RCSD1: variants seen among roughly 807,000 people sequenced by gnomAD.
RCSD1 encodes the protein capZ-interacting protein.
In RCSD1, 26 loss-of-function variants were observed where a neutral mutation model predicts 42.5. That is an observed-to-expected ratio of 0.61 (90% confidence interval 0.45 to 0.85). The LOEUF is 0.85. RCSD1 is among the 40% of genes least tolerant of loss of function. RCSD1 has a pLI of 0.00. For synonymous variants in RCSD1, 220 were observed against 212.2 expected (o/e 1.04, Z -0.32); for missense variants, 571 against 528.3 (o/e 1.08, Z -0.79).
At position 167,705,066 on chromosome 1, in the gene RCSD1, T is replaced by C. The variant is rs4656551; in HGVS notation, c.*370T>C. 0.26 allele frequency: 44,827 copies of C among 175,108 alleles called. 6,162 individuals are homozygous for C. Among genetic ancestry groups the C allele is most frequent in the Middle Eastern group, 0.34 (132 of 388 alleles). 10.8% of individuals were successfully genotyped at this position (175,108 alleles called of 1,614,324 possible). Reference sequence around the variant, plus strand: ...CTATCCCTGCAGCTAATTTAGCTGATCTCTAATTTAACTGAGCTCTAATTT... The same window carrying C: ...CTATCCCTGCAGCTAATTTAGCTGACCTCTAATTTAACTGAGCTCTAATTT... On this transcript the variant is annotated 3_prime_UTR_variant, in exon 7 of 7. Coordinates refer to ENST00000367854, the MANE Select transcript of RCSD1 (RefSeq NM_052862.4).
At chr1:167,695,845 A>C (rs1451056223) in intron 5 of RCSD1, among the ~76,000 whole-genome samples, 8 of 152,100 alleles carry the variant, frequency 5.3e-5, no homozygotes, top group Non-Finnish European at 8.8e-5. Flanking sequence ...TTTTTAAAGG[A>C]TGCATCACTC....
intron 5 of RCSD1, among the ~76,000 whole-genome samples, chr1:167,696,089 G>A (rs559541715): frequency 1.3e-5 from 2 of 152,118 alleles, no homozygotes; most frequent in African/African-American, 4.8e-5. Flanking sequence ...GGGCAGGAAG[G>A]ACAGAGTTAG....
Position 167,697,190 on chromosome 1 carries a change from C to G in RCSD1, c.566C>G (p.Ala189Gly). The G allele has an allele frequency of 6.2e-7, 1 of 1,614,096 alleles. No homozygotes were observed. The change falls in exon 6 of 7, where the codon GCG (alanine) becomes GGG (glycine). Residue 189 changes from alanine to glycine, a missense_variant. Physicochemically the swap from Ala to Gly is moderately conservative, Grantham distance 60. Coordinates refer to ENST00000367854, the MANE Select transcript of RCSD1 (RefSeq NM_052862.4). ...TGTGGAGAACTTGGAGATTTCAGGGCGGTGGAGTCATCTCAGCAGAACGGT... is the reference window on the plus strand; with the variant it reads ...TGTGGAGAACTTGGAGATTTCAGGGGGGTGGAGTCATCTCAGCAGAACGGT... ...SDCGELGDFR[A>G]VESSQQNGAK...
intron 1 of RCSD1, among the ~76,000 whole-genome samples, chr1:167,648,415 T>G (rs981703274): frequency 6.6e-6 from 1 of 152,182 alleles, no homozygotes; most frequent in Non-Finnish European, 1.5e-5. Context: ...CTTCCTTCCT[T>G]TTGCAAAGAC....
intron 6 of RCSD1, among the ~76,000 whole-genome samples, chr1:167,701,871 A>G (rs943025659): frequency 2.0e-5 from 3 of 152,188 alleles, no homozygotes; most frequent in Admixed American, 2.0e-4. Flanking sequence ...AAGAACAATT[A>G]CAAGGTTGAC....
At chr1:167,658,310 A>G (rs1293315467) in intron 1 of RCSD1, among the ~76,000 whole-genome samples, 1 of 152,242 alleles carries the variant, frequency 6.6e-6, no homozygotes, top group Non-Finnish European at 1.5e-5. Context: ...TACACACACA[A>G]GGGGTAAGTT....
chr1:167,685,952 A>G (rs1659225788), intron 3 of RCSD1, among the ~76,000 whole-genome samples: 1 of 152,202 alleles, frequency 6.6e-6, no homozygotes. Flanking sequence ...GTGATTCTGC[A>G]GTATCCTTGT....
At position 167,704,770 on chromosome 1, in the gene RCSD1, A is replaced by G; in HGVS notation, c.*74A>G. ...TGCAGGTAGCAGCAACAGTTGTAGC[A>G]GCAGCAGACGAAGCCATTGCAGAGG... On this transcript the variant is annotated 3_prime_UTR_variant, in exon 7 of 7. Coordinates refer to ENST00000367854, the MANE Select transcript of RCSD1 (RefSeq NM_052862.4). 6.8e-7 allele frequency: 1 copy of G among 1,461,740 alleles called. No individual in the cohort carries two copies. Among genetic ancestry groups the G allele is most frequent in the Non-Finnish European group, 9.6e-7 (1 of 1,046,512 alleles). 90.5% of individuals were successfully genotyped at this position (1,461,740 alleles called of 1,614,324 possible). A position where few individuals can be genotyped will look rare whatever the true frequency, so the allele number is the denominator to read the frequency against.
intron 1 of RCSD1, among the ~76,000 whole-genome samples, chr1:167,674,586 C>T (rs1024203952): frequency 6.6e-6 from 1 of 152,202 alleles, no homozygotes; most frequent in African/African-American, 2.4e-5. Context: ...ATTTTCATCA[C>T]TGAAAAAGAA....
At chr1:167,669,995 ACACG>A (rs1361037556) in intron 1 of RCSD1, among the ~76,000 whole-genome samples, 1 of 152,030 alleles carries the variant, frequency 6.6e-6, no homozygotes, top group Non-Finnish European at 1.5e-5. Context: ...ACACACACGC[ACACG>A]CACACTCACA....
chr1:167,681,241 A>G (rs1423046337), intron 1 of RCSD1, among the ~76,000 whole-genome samples: 1 of 152,256 alleles, frequency 6.6e-6, no homozygotes, highest in Admixed American at 6.5e-5. Flanking sequence ...AGTTGGAGTC[A>G]GATGTTTCAC....
intron 1 of RCSD1, among the ~76,000 whole-genome samples, chr1:167,673,801 C>T (rs879870751): frequency 6.6e-6 from 1 of 152,154 alleles, no homozygotes; most frequent in Non-Finnish European, 1.5e-5. Flanking sequence ...ACCAGCCAGC[C>T]CCTGTGCCTA....
chr1:167,695,775 C>A (rs1447006591), intron 5 of RCSD1, among the ~76,000 whole-genome samples: 1 of 151,976 alleles, frequency 6.6e-6, no homozygotes, highest in Admixed American at 6.5e-5. Flanking sequence ...CTGGCCTATG[C>A]CTCCCAAAGT....
chr1:167,707,880 G>A lies in RCSD1; in HGVS notation c.*3184G>A, dbSNP rs1287533461. Among the ~76,000 whole-genome samples, 3 of 152,176 alleles carry A rather than the reference G, an allele frequency of 2.0e-5. No homozygotes were observed. Among genetic ancestry groups the A allele is most frequent in the Non-Finnish European group, 4.4e-5 (3 of 68,032 alleles). On this transcript the variant is annotated 3_prime_UTR_variant, in exon 7 of 7. Transcript: ENST00000367854. ...CAGCTAATTTTTGTATTTTTTAGTAGAGACCAGGTTTCACTATGTTGGCCA... is the reference window on the plus strand; with the variant it reads ...CAGCTAATTTTTGTATTTTTTAGTAAAGACCAGGTTTCACTATGTTGGCCA...
intron 1 of RCSD1, among the ~76,000 whole-genome samples, chr1:167,646,356 G>C (rs1186544336): frequency 6.6e-6 from 1 of 151,620 alleles, no homozygotes; most frequent in East Asian, 1.9e-4. Flanking sequence ...GACAGCTCGG[G>C]ACAGCCCTCA....
chr1:167,640,868 T>G (rs1657987309), intron 1 of RCSD1, among the ~76,000 whole-genome samples: 2 of 152,136 alleles, frequency 1.3e-5, no homozygotes, highest in Admixed American at 6.5e-5. Context: ...ATCATAACTT[T>G]TAGGGGGTCA....
chr1:167,704,588 AT>A lies in RCSD1; in HGVS notation c.1219-75del, dbSNP rs1334968191. On this transcript the variant is annotated intron_variant, in intron 6 of 6. Transcript: ENST00000367854. The stretch of plus-strand genomic sequence containing the variant: ...TGTTACTATTATTGCCAGATCCATC[AT>A]CCCCAAGGAGGGATGCTGAGTGTCA... 2.4e-6 allele frequency: 3 copies of A among 1,248,808 alleles called. No individual in the cohort carries two copies. The African/African-American group carries it at 4.4e-5, about 18-fold the overall frequency. 77.4% of individuals were successfully genotyped at this position (1,248,808 alleles called of 1,614,324 possible). A position where few individuals can be genotyped will look rare whatever the true frequency, so the allele number is the denominator to read the frequency against.
chr1:167,652,663 G>C (rs7550619), intron 1 of RCSD1, among the ~76,000 whole-genome samples: 6,842 of 152,254 alleles, frequency 0.045, 527 homozygotes, highest in African/African-American at 0.15. Context: ...TTGTGAATTT[G>C]TATTGATTTG....
At chr1:167,658,964 C>G (rs1405785263) in intron 1 of RCSD1, among the ~76,000 whole-genome samples, 1 of 152,050 alleles carries the variant, frequency 6.6e-6, no homozygotes, top group Admixed American at 6.5e-5. Flanking sequence ...TGCCAGATTA[C>G]TTTCCCAAAA....
Sources: allele counts gnomAD v4.1 joint callset (sites outside exome capture counted in the v4.1 genomes callset), GRCh38; gene constraint gnomAD v4.1.1; transcripts MANE v1.5; gene names NCBI Gene and HGNC (gene_info 2026-07-23, HGNC 2026-07-21).